Variants in DOCK7 observed in about 807,000 individuals in gnomAD.
DOCK7 encodes the protein dedicator of cytokinesis 7, also known as dedicator of cytokinesis protein 7.
A neutral mutation model predicts 271.0 loss-of-function variants in DOCK7; 138 were observed. That is an observed-to-expected ratio of 0.51 (90% CI 0.44 to 0.59). The LOEUF (loss-of-function observed/expected upper bound fraction) is 0.59. DOCK7 is among the 20% of genes least tolerant of loss of function. The pLI is 0.00. For missense variants in DOCK7, 2,066 were observed against 2,592.4 expected (o/e 0.80, Z 4.41); for synonymous variants, 823 against 876.1 (o/e 0.94, Z 1.07).
intron 29 of DOCK7, among the ~76,000 whole-genome samples, chr1:62,533,376 C>T (rs1645237995): frequency 6.6e-6 from 1 of 151,592 alleles, no homozygotes; most frequent in Non-Finnish European, 1.5e-5. Flanking sequence ...TTTTAAAAAG[C>T]TAGTATGTTT....
chr1:62,640,717 T>C (rs1319846899), intron 7 of DOCK7, among the ~76,000 whole-genome samples: 2 of 152,150 alleles, frequency 1.3e-5, no homozygotes, highest in African/African-American at 4.8e-5. Context: ...CCATGCGTTG[T>C]TTCACATTCT....
chr1:62,493,205 A>C (rs1646515492), intron 40 of DOCK7, among the ~76,000 whole-genome samples: 1 of 152,214 alleles, frequency 6.6e-6, no homozygotes, highest in African/African-American at 2.4e-5. Context: ...AAAAGGGTAC[A>C]AAAATGGTCT....
intron 22 of DOCK7, among the ~76,000 whole-genome samples, chr1:62,546,775 C>G (rs900558591): frequency 6.6e-6 from 1 of 152,054 alleles, no homozygotes; most frequent in Non-Finnish European, 1.5e-5. Flanking sequence ...TTCTCAGAAT[C>G]CCATTACAAT....
chr1:62,465,694 T>C (rs1645656583), intron 48 of DOCK7, among the ~76,000 whole-genome samples: 1 of 151,996 alleles, frequency 6.6e-6, no homozygotes, highest in Non-Finnish European at 1.5e-5. Context: ...TGGGATTACA[T>C]GTGTGTGCCA....
chr1:62,522,446 T>C (rs150066296), intron 31 of DOCK7, among the ~76,000 whole-genome samples: 361 of 152,148 alleles, frequency 2.4e-3, no homozygotes, highest in African/African-American at 8.2e-3. Context: ...AATACAGCCA[T>C]CTCAATGAAT....
At chr1:62,623,624 G>C (rs1214653047) in intron 12 of DOCK7, among the ~76,000 whole-genome samples, 3 of 152,224 alleles carry the variant, frequency 2.0e-5, no homozygotes, top group African/African-American at 7.2e-5. Context: ...TGTAGCAGCT[G>C]AAGAAGTAGA....
Position 62,649,872 on chromosome 1 carries a change from C to T in DOCK7, c.390-1328G>A, listed in dbSNP as rs532064039. Among the ~76,000 whole-genome samples, 8 of 152,294 alleles carry T rather than the reference C, an allele frequency of 5.3e-5. No individual in the cohort carries two copies. In the East Asian group the frequency reaches 1.5e-3, roughly 29 times the overall value. Reference sequence around the variant, plus strand: ...GCTCTTCCCTCTGCCTAATAACATTCTTCCCCCAGATATTTACAGGGCTCA... The same window carrying T: ...GCTCTTCCCTCTGCCTAATAACATTTTTCCCCCAGATATTTACAGGGCTCA... On this transcript the variant is annotated intron_variant, in intron 4 of 49. Coordinates refer to ENST00000635253, the MANE Select transcript of DOCK7 (RefSeq NM_001367561.1).
Position 62,618,677 on chromosome 1 carries a change from T to A in DOCK7, c.1682+29A>T, listed in dbSNP as rs747994912. 12 of 1,578,374 alleles carry A rather than the reference T, an allele frequency of 7.6e-6. No homozygotes were observed. In the Admixed American group the frequency reaches 1.8e-4, roughly 24 times the overall value. On this transcript the variant is annotated intron_variant, in intron 14 of 49. Transcript: ENST00000635253. ...ATTTTAGAATATACAGTATCTTCTA[T>A]CAGAATTCTCCAAATTAAAATCTCT... is the stretch of plus-strand genomic sequence containing the variant.
chr1:62,597,823 C>T lies in DOCK7; in HGVS notation c.1683-11199G>A, dbSNP rs754336412. On this transcript the variant is annotated intron_variant, in intron 14 of 49. Coordinates refer to ENST00000635253, the MANE Select transcript of DOCK7 (RefSeq NM_001367561.1). Reference sequence around the variant, plus strand: ...TTTGATCAGTCTTTTTATGATCTATCGCTGCAAACCAGTGAAATCAAAGAA... The same window carrying T: ...TTTGATCAGTCTTTTTATGATCTATTGCTGCAAACCAGTGAAATCAAAGAA... The T allele has an allele frequency of 8.1e-6, 13 of 1,609,642 alleles. No homozygotes were observed. Among genetic ancestry groups the T allele is most frequent in the African/African-American group, 2.7e-5 (2 of 74,648 alleles).
At chr1:62,554,150 A>G (rs1646055679) in intron 21 of DOCK7, among the ~76,000 whole-genome samples, 1 of 152,190 alleles carries the variant, frequency 6.6e-6, no homozygotes, top group African/African-American at 2.4e-5. Context: ...ACAAAAAACT[A>G]AAGATAATTT....
intron 7 of DOCK7, among the ~76,000 whole-genome samples, chr1:62,642,272 C>T (rs1656124955): frequency 6.6e-6 from 1 of 151,920 alleles, no homozygotes; most frequent in East Asian, 1.9e-4. Context: ...ACATGCCCGG[C>T]TAATTTTTTG....
chr1:62,474,097 TAAG>T lies in DOCK7; in HGVS notation c.6106-12_6106-10del, dbSNP rs1571216768. 1 of 1,599,490 alleles carries T rather than the reference TAAG, an allele frequency of 6.3e-7. No individual in the cohort carries two copies. The highest frequency in any genetic ancestry group is 8.5e-7 in the Non-Finnish European group (1 of 1,171,836). On this transcript the variant is annotated splice_polypyrimidine_tract_variant and intron_variant, in intron 47 of 49. Coordinates refer to ENST00000635253, the MANE Select transcript of DOCK7 (RefSeq NM_001367561.1). ...GCAACTTCCAAAGGCCCCTGCAAAA[TAAG>T]AAAATAAGAAGTGTGTTTTTTTGTT... is the stretch of plus-strand genomic sequence containing the variant.
intron 14 of DOCK7, among the ~76,000 whole-genome samples, chr1:62,592,314 C>T (rs1648567430): frequency 6.6e-6 from 1 of 151,988 alleles, no homozygotes; most frequent in Non-Finnish European, 1.5e-5. Context: ...ATTCCTATTT[C>T]AATCTCTCAT....
At chr1:62,636,672 T>C in intron 7 of DOCK7, 69 bp from the exon 8 acceptor site, 3 of 1,306,152 alleles carry the variant, frequency 2.3e-6, no homozygotes, top group South Asian at 2.7e-5. Flanking sequence ...AGAAATTGAT[T>C]CCAAAACTAA....
At chr1:62,554,997 T>C (rs923795023) in intron 21 of DOCK7, among the ~76,000 whole-genome samples, 4 of 152,216 alleles carry the variant, frequency 2.6e-5, no homozygotes, top group African/African-American at 9.6e-5. Flanking sequence ...CAAAAGCTGA[T>C]AAAAGGCACT....
intron 7 of DOCK7, among the ~76,000 whole-genome samples, chr1:62,639,426 CTTTTTTTTTTTTTTT>C (rs386367151): frequency 5.3e-5 from 4 of 75,880 alleles, no homozygotes; most frequent in Non-Finnish European, 7.3e-5. Flanking sequence ...TTGTAATACT[CTTTTTTTTTTTTTTT>C]TTTTTTTTTT....
intron 1 of DOCK7, 25 bp downstream of exon 1, chr1:62,688,201 CG>C: frequency 1.2e-5 from 16 of 1,368,236 alleles, no homozygotes; most frequent in South Asian, 6.6e-5. Context: ...GCGGCGGCGG[CG>C]GCGCGCCCCA....
chr1:62,655,205 T>C (rs1657855623), intron 2 of DOCK7, among the ~76,000 whole-genome samples: 1 of 152,120 alleles, frequency 6.6e-6, no homozygotes, highest in African/African-American at 2.4e-5. Context: ...TAAAATACCA[T>C]ACTTCTTATC....
At chr1:62,547,358 T>C (rs987569808) in intron 22 of DOCK7, among the ~76,000 whole-genome samples, 4 of 152,218 alleles carry the variant, frequency 2.6e-5, no homozygotes, top group African/African-American at 9.6e-5. Flanking sequence ...TTTACCAATT[T>C]CCAACAAACA....
Sources: allele counts gnomAD v4.1 joint callset (sites outside exome capture counted in the v4.1 genomes callset), GRCh38; gene constraint gnomAD v4.1.1; transcripts MANE v1.5; gene names NCBI Gene and HGNC (gene_info 2026-07-23, HGNC 2026-07-21).